OAS2: variants seen among roughly 807,000 people sequenced by gnomAD.
OAS2 encodes the protein 2'-5'-oligoadenylate synthetase 2.
Under a neutral mutation model 71.3 loss-of-function variants are expected in OAS2, and 67 were observed. That is an observed-to-expected ratio of 0.94 (90% CI 0.77 to 1.15). The LOEUF (loss-of-function observed/expected upper bound fraction) is 1.15. Ranked by LOEUF, OAS2 falls within the 50% of genes most tolerant of loss-of-function variation. OAS2 has a pLI of 0.00. For synonymous variants in OAS2, 327 were observed against 321.8 expected, an observed-to-expected ratio of 1.02 and a Z score of -0.17; for missense variants, 789 against 822.5, an observed-to-expected ratio of 0.96 and a Z score of 0.50.
Position 112,997,797 on chromosome 12 carries a change from G to T in OAS2, c.863+42G>T, listed in dbSNP as rs375782298. On this transcript the variant is annotated intron_variant, in intron 4 of 9. Transcript: ENST00000392583. Reference sequence around the variant, plus strand: ...ACCCTATCCCTGTACCTCATCATCCGCATGCCAGGCATACCTCTTTGGAAT... The same window carrying T: ...ACCCTATCCCTGTACCTCATCATCCTCATGCCAGGCATACCTCTTTGGAAT... The T allele has an allele frequency of 6.6e-6, 9 of 1,373,526 alleles. No homozygotes were observed. The African/African-American group carries it at 1.0e-4, about 16-fold the overall frequency. The allele number at this position is 1,373,526 out of a possible 1,614,324, so 85.1% of individuals were successfully genotyped here.
In OAS2 at chr12:113,010,525, GAGAA is replaced by G. The variant is rs899264235; in HGVS notation, c.*1274_*1277del. On this transcript the variant is annotated 3_prime_UTR_variant, in exon 10 of 10. Coordinates refer to ENST00000392583, the MANE Select transcript of OAS2 (RefSeq NM_002535.3). ...CGCTTTTAAAGACTCGGCTCACCGT[GAGAA>G]AGAGTCACTCACATCCATTCTTCCC... 2.5e-6 allele frequency: 4 copies of G among 1,603,368 alleles called. No homozygotes were observed. The African/African-American group carries it at 4.0e-5, about 16-fold the overall frequency.
intron 5 of OAS2, among the ~76,000 whole-genome samples, chr12:113,002,396 T>A (rs1324813293): frequency 6.6e-6 from 1 of 152,130 alleles, no homozygotes; most frequent in Non-Finnish European, 1.5e-5. Flanking sequence ...AGAATAAACT[T>A]CTGTTGTTTT....
intron 1 of OAS2, among the ~76,000 whole-genome samples, chr12:112,982,784 G>A (rs1391794891): frequency 6.6e-6 from 1 of 152,176 alleles, no homozygotes; most frequent in East Asian, 1.9e-4. Flanking sequence ...GTAGAGTTCA[G>A]CAGTAAAGCC....
intron 2 of OAS2, among the ~76,000 whole-genome samples, chr12:112,990,444 G>A (rs1321626665): frequency 6.6e-5 from 10 of 152,204 alleles, no homozygotes; most frequent in Admixed American, 6.5e-4. Context: ...GAAAAGGGGA[G>A]TTGTGGAAGA....
rs573269831 is a variant in OAS2, at chr12:113,009,538, G to A, written c.*283G>A. On this transcript the variant is annotated 3_prime_UTR_variant, in exon 10 of 10. Coordinates refer to ENST00000392583, the MANE Select transcript of OAS2 (RefSeq NM_002535.3). ...CAAAAGTCTTCAGACATTGTCAAAC[G>A]TTCCCCTGGGTTCACAGATCTTTCT... is the stretch of plus-strand genomic sequence containing the variant. 9.1e-6 allele frequency: 10 copies of A among 1,096,310 alleles called. No homozygotes were observed. The Admixed American group carries it at 2.0e-4, about 22-fold the overall frequency. 67.9% of individuals were successfully genotyped at this position (1,096,310 alleles called of 1,614,324 possible).
At chr12:112,989,216 G>A (rs1305760173) in intron 2 of OAS2, among the ~76,000 whole-genome samples, 1 of 152,132 alleles carries the variant, frequency 6.6e-6, no homozygotes, top group African/African-American at 2.4e-5. Flanking sequence ...GTCATAAAGG[G>A]GAGTTCCCCT....
intron 1 of OAS2, 26 bp from the exon 2 acceptor site, chr12:112,987,012 C>T: frequency 6.3e-7 from 1 of 1,591,478 alleles, no homozygotes; most frequent in South Asian, 1.1e-5. Flanking sequence ...TCTAGTGTCT[C>T]ATATCTGCTT....
intron 3 of OAS2, 115 bp downstream of exon 3, chr12:112,995,589 CT>C (rs2044226807): frequency 2.0e-6 from 2 of 1,003,174 alleles, no homozygotes; most frequent in Non-Finnish European, 1.5e-6. Flanking sequence ...TTTTTACAAT[CT>C]TACCAGCAAC....
intron 1 of OAS2, among the ~76,000 whole-genome samples, chr12:112,982,135 T>C (rs1248628109): frequency 1.3e-5 from 2 of 152,170 alleles, no homozygotes. Context: ...TGGTGGAGTC[T>C]TTAGGTTTTT....
Position 113,009,756 on chromosome 12 carries a change from A to G in OAS2, c.*501A>G. 1.0e-6 allele frequency: 1 copy of G among 987,524 alleles called. No individual in the cohort carries two copies. Among genetic ancestry groups the G allele is most frequent in the Non-Finnish European group, 1.2e-6 (1 of 831,506 alleles). 61.2% of individuals were successfully genotyped at this position (987,524 alleles called of 1,614,324 possible). On this transcript the variant is annotated 3_prime_UTR_variant, in exon 10 of 10. Transcript: ENST00000392583. ...TTTTCTTCCATTTCATTGCTCAGAA[A>G]TGTCATGTGGCTACCTGTAACTTGA...
Position 113,002,919 on chromosome 12 carries a change from C to T in OAS2, c.1009-13C>T. The T allele has an allele frequency of 6.2e-7, 1 of 1,613,318 alleles. No homozygotes were observed. Among genetic ancestry groups the T allele is most frequent in the East Asian group, 2.2e-5 (1 of 44,880 alleles). ...GGTGCCACTCACACTTGGGGTCTTCCTTCCTTCCCCAGCCTGCACCACTCT... is the reference window on the plus strand; with the variant it reads ...GGTGCCACTCACACTTGGGGTCTTCTTTCCTTCCCCAGCCTGCACCACTCT... On this transcript the variant is annotated splice_polypyrimidine_tract_variant and intron_variant, in intron 5 of 9. Transcript: ENST00000392583.
intron 3 of OAS2, among the ~76,000 whole-genome samples, 153 bp downstream of exon 3, chr12:112,995,627 G>A (rs1052749993): frequency 3.9e-5 from 6 of 152,068 alleles, no homozygotes; most frequent in South Asian, 2.1e-4. Flanking sequence ...GGAACGTTTC[G>A]TGTACCCCAG....
chr12:112,988,530 C>T, intron 2 of OAS2: 1 of 809,494 alleles, frequency 1.2e-6, no homozygotes, highest in African/African-American at 1.9e-5. Context: ...AGTCTGTTTA[C>T]ACATCCTTTT....
Position 113,003,101 on chromosome 12 carries a change from G to A in OAS2, c.1178G>A (p.Arg393Gln), listed in dbSNP as rs150642424. 2,012 of 1,614,002 alleles carry A rather than the reference G, an allele frequency of 1.2e-3. No homozygotes were observed. The highest frequency in any genetic ancestry group is 1.6e-3 in the Non-Finnish European group (1,858 of 1,179,914). ...TCAACAGCCAAGATCCAGATTGTCC[G>A]GGTGAGCACTGGCCTTTCTCATGTC... The part of the protein sequence containing the change: ...RQSTAKIQIV[R>Q]GGSTAKGTAL... The change falls in exon 6 of 10, where the codon CGG (arginine) becomes CAG (glutamine). Residue 393 changes from arginine (R) to glutamine (Q), a missense_variant and splice_region_variant. Physicochemically the swap from Arg to Gln is conservative, Grantham distance 43. Coordinates refer to ENST00000392583, the MANE Select transcript of OAS2 (RefSeq NM_002535.3).
intron 1 of OAS2, among the ~76,000 whole-genome samples, chr12:112,985,068 T>C (rs903648613): frequency 6.6e-6 from 1 of 152,242 alleles, no homozygotes; most frequent in African/African-American, 2.4e-5. Flanking sequence ...TTTGTCTTGC[T>C]ATTTTCAGAA....
chr12:113,001,408 A>G (rs1477876946), intron 5 of OAS2, among the ~76,000 whole-genome samples: 1 of 149,904 alleles, frequency 6.7e-6, no homozygotes, highest in African/African-American at 2.4e-5. Flanking sequence ...ACACATATAT[A>G]CATATATACA....
chr12:113,001,863 CAAAAAAAAA>C (rs71086131), intron 5 of OAS2, among the ~76,000 whole-genome samples: 3 of 21,862 alleles, frequency 1.4e-4, no homozygotes, highest in Admixed American at 5.0e-4. Context: ...CCCATCTCTA[CAAAAAAAAA>C]AAAAAAAAAA....
intron 6 of OAS2, among the ~76,000 whole-genome samples, chr12:113,004,633 T>G (rs1467472448): frequency 6.6e-6 from 1 of 152,226 alleles, no homozygotes; most frequent in African/African-American, 2.4e-5. Flanking sequence ...AAGCTAAATA[T>G]GTCTTTAGGA....
chr12:112,978,813 T>C lies in OAS2; in HGVS notation c.177+28T>C. 2 of 1,584,186 alleles carry C rather than the reference T, an allele frequency of 1.3e-6. No homozygotes were observed. The highest frequency in any genetic ancestry group is 1.7e-4 in the Middle Eastern group (1 of 5,934). ...GAGTCCAGGGCTGAGGTTGGGTCTC[T>C]GGGAGGCAGGAGATTCCACGGCGGC... On this transcript the variant is annotated intron_variant, in intron 1 of 9. Coordinates refer to ENST00000392583, the MANE Select transcript of OAS2 (RefSeq NM_002535.3). The surrounding 1 kb of genome is among the most constrained non-coding windows in gnomAD (Gnocchi z 4.2).
Sources: allele counts gnomAD v4.1 joint callset (sites outside exome capture counted in the v4.1 genomes callset), GRCh38; gene constraint gnomAD v4.1.1; non-coding constraint Gnocchi (gnomAD v3.1); transcripts MANE v1.5; gene names NCBI Gene and HGNC (gene_info 2026-07-23, HGNC 2026-07-21).